Variants in CNTN5 observed in about 807,000 individuals in gnomAD.
CNTN5 encodes the protein contactin-5.
Under a neutral mutation model 129.1 loss-of-function variants are expected in CNTN5, and 77 were observed. The observed-to-expected ratio is 0.60, with a 90% CI of 0.50 to 0.72. The LOEUF is 0.72. CNTN5 is among the 30% of genes least tolerant of loss of function. The pLI is 0.00. For synonymous variants in CNTN5, 509 were observed against 465.6 expected (o/e 1.09, Z -1.20); for missense variants, 1,478 against 1,328.8 (o/e 1.11, Z -1.75).
chr11:99,516,773 A>G (rs553241324), intron 2 of CNTN5, among the ~76,000 whole-genome samples: 1 of 152,112 alleles, frequency 6.6e-6, no homozygotes, highest in Non-Finnish European at 1.5e-5. Flanking sequence ...ATTCACTATC[A>G]TGTGTAAAAA....
chr11:99,514,850 C>A (rs1165498607), intron 2 of CNTN5, among the ~76,000 whole-genome samples: 1 of 151,792 alleles, frequency 6.6e-6, no homozygotes, highest in Non-Finnish European at 1.5e-5. Flanking sequence ...CCCGAGTATG[C>A]CTATATATGG....
chr11:100,253,451 C>A (rs999015271), intron 16 of CNTN5, among the ~76,000 whole-genome samples: 3 of 152,006 alleles, frequency 2.0e-5, no homozygotes, highest in Non-Finnish European at 2.9e-5. Flanking sequence ...CTATTACCTC[C>A]TCTATGAAAT....
intron 2 of CNTN5, among the ~76,000 whole-genome samples, chr11:99,351,780 CA>C (rs561042683): frequency 6.6e-6 from 1 of 152,232 alleles, no homozygotes; most frequent in Admixed American, 6.5e-5. Flanking sequence ...TAGGAAATGC[CA>C]AAAGATTACA....
chr11:99,843,051 C>T (rs1181353294), intron 4 of CNTN5, among the ~76,000 whole-genome samples: 5 of 151,982 alleles, frequency 3.3e-5, no homozygotes, highest in Admixed American at 2.6e-4. Context: ...GCCAACATGG[C>T]AAAAACCTGT....
At chr11:100,261,323 C>T (rs1010397105) in intron 17 of CNTN5, among the ~76,000 whole-genome samples, 53 of 152,136 alleles carry the variant, frequency 3.5e-4, no homozygotes, top group African/African-American at 1.2e-3. Context: ...GAAAAACATT[C>T]CATGCTCTTG....
At chr11:100,181,754 TTAAA>T (rs1488854744) in intron 13 of CNTN5, among the ~76,000 whole-genome samples, 7 of 152,150 alleles carry the variant, frequency 4.6e-5, no homozygotes, top group African/African-American at 7.2e-5. Flanking sequence ...TGTTCATTTA[TTAAA>T]TAAATACTTT....
At chr11:99,821,444 A>G (rs1185308835) in intron 4 of CNTN5, among the ~76,000 whole-genome samples, 2 of 152,194 alleles carry the variant, frequency 1.3e-5, no homozygotes, top group Non-Finnish European at 2.9e-5. Flanking sequence ...GGTCAGTTAC[A>G]TATTTCACAG....
At chr11:99,775,494 G>T (rs577810423) in intron 3 of CNTN5, among the ~76,000 whole-genome samples, 1 of 151,898 alleles carries the variant, frequency 6.6e-6, no homozygotes, top group Non-Finnish European at 1.5e-5. Flanking sequence ...ATCTACTGAA[G>T]AGCTTTGGTC....
chr11:99,450,135 G>C (rs1032050745), intron 2 of CNTN5, among the ~76,000 whole-genome samples: 4 of 151,958 alleles, frequency 2.6e-5, no homozygotes, highest in Non-Finnish European at 4.4e-5. Context: ...TGGGGAAAAA[G>C]AGTTACTGAA....
At position 99,368,153 on chromosome 11, in the gene CNTN5, C is replaced by G. The variant is rs184411587; in HGVS notation, c.-71+42669C>G. On this transcript the variant is annotated intron_variant, in intron 2 of 24. Transcript: ENST00000524871. ...TTGCCCAAATCAGATGGCCACAAAA[C>G]TAATTAAATTTGTTTTCTTCCCCCC... 3.4e-3 allele frequency among the ~76,000 whole-genome samples: 520 copies of G among 152,190 alleles called. 3 individuals carry two copies. The highest frequency in any genetic ancestry group is 0.012 in the African/African-American group (478 of 41,530).
intron 3 of CNTN5, among the ~76,000 whole-genome samples, chr11:99,607,642 ATGCACACGTATGTTTAT>A (rs1950463998): frequency 8.4e-6 from 1 of 118,398 alleles, no homozygotes; most frequent in Non-Finnish European, 1.8e-5. Flanking sequence ...ATAAAGACAC[ATGCACACGTATGTTTAT>A]TGCGGCACTA....
chr11:99,115,858 C>G (rs1229098086), intron 1 of CNTN5, among the ~76,000 whole-genome samples: 6 of 152,116 alleles, frequency 3.9e-5, no homozygotes, highest in Admixed American at 2.6e-4. Context: ...GGAGACACAG[C>G]TAGCACTTTC....
intron 4 of CNTN5, among the ~76,000 whole-genome samples, chr11:99,842,487 G>A (rs11221580): frequency 0.18 from 27,389 of 152,130 alleles, 2,586 homozygotes; most frequent in African/African-American, 0.22. Flanking sequence ...TTGAGTAGCA[G>A]ATAATCAAAG....
chr11:99,998,872 CT>C (rs1360135103), intron 8 of CNTN5, among the ~76,000 whole-genome samples: 3 of 150,516 alleles, frequency 2.0e-5, no homozygotes, highest in African/African-American at 7.3e-5. Flanking sequence ...GCTATCTGAT[CT>C]TTGACAAACC....
At chr11:99,051,890 G>T (rs1864440742) in intron 1 of CNTN5, among the ~76,000 whole-genome samples, 1 of 151,822 alleles carries the variant, frequency 6.6e-6, no homozygotes, top group African/African-American at 2.4e-5. Context: ...CACAATAATA[G>T]GGAAACAATA....
At chr11:99,566,022 C>A (rs1416212251) in intron 3 of CNTN5, among the ~76,000 whole-genome samples, 1 of 152,140 alleles carries the variant, frequency 6.6e-6, no homozygotes, top group Non-Finnish European at 1.5e-5. Flanking sequence ...TTTTGGCTTG[C>A]TAGCATGCTG....
At chr11:100,313,794 T>C (rs1366904419) in intron 21 of CNTN5, among the ~76,000 whole-genome samples, 1 of 151,856 alleles carries the variant, frequency 6.6e-6, no homozygotes, top group Non-Finnish European at 1.5e-5. Context: ...AGAGGAAGAA[T>C]CAGCAAGGAG....
chr11:99,995,668 C>T (rs776169248), intron 8 of CNTN5, among the ~76,000 whole-genome samples: 10 of 152,132 alleles, frequency 6.6e-5, no homozygotes, highest in Non-Finnish European at 7.3e-5. Flanking sequence ...GCTCATATGG[C>T]CACAAACATA....
At chr11:100,295,781 G>T (rs1207900768) in intron 18 of CNTN5, among the ~76,000 whole-genome samples, 1 of 151,166 alleles carries the variant, frequency 6.6e-6, no homozygotes, top group Admixed American at 6.6e-5. Flanking sequence ...TGTCCTCAAA[G>T]AAGAGGATTC....
Sources: gnomAD v4.1 joint callset for allele counts (sites outside exome capture counted in the v4.1 genomes callset) on GRCh38, gnomAD v4.1.1 for gene constraint, MANE v1.5 for transcripts, NCBI Gene and HGNC (gene_info 2026-07-23, HGNC 2026-07-21) for gene names.